PLXDC2: variants seen among roughly 807,000 people sequenced by gnomAD.
PLXDC2 encodes plexin domain containing 2.
Under a neutral mutation model 68.9 loss-of-function variants are expected in PLXDC2, and 40 were observed. The ratio of observed to expected loss-of-function variants is 0.58; its 90% CI spans 0.45 to 0.76. The LOEUF (loss-of-function observed/expected upper bound fraction) is 0.76. Among genes scored for constraint, PLXDC2 ranks in the 30% least tolerant of loss-of-function variants. PLXDC2 has a pLI of 0.00. For missense variants in PLXDC2, 644 were observed against 661.9 expected (o/e 0.97, Z 0.30); for synonymous variants, 243 against 234.2 (o/e 1.04, Z -0.34).
intron 13 of PLXDC2, among the ~76,000 whole-genome samples, chr10:20,265,310 A>G (rs967012707): frequency 6.6e-6 from 1 of 152,258 alleles, no homozygotes; most frequent in Admixed American, 6.5e-5. Flanking sequence ...GAATCAGTGC[A>G]GCCATCTGCC....
At chr10:20,205,671 G>C (rs1010321304) in intron 9 of PLXDC2, among the ~76,000 whole-genome samples, 1 of 152,020 alleles carries the variant, frequency 6.6e-6, no homozygotes, top group African/African-American at 2.4e-5. Context: ...TTTGGTACAT[G>C]CATACCATGT....
At chr10:20,065,838 G>A (rs1836199839) in intron 3 of PLXDC2, among the ~76,000 whole-genome samples, 1 of 152,210 alleles carries the variant, frequency 6.6e-6, no homozygotes, top group African/African-American at 2.4e-5. Context: ...GCCATGGGGA[G>A]TGGCTGTAAA....
chr10:20,205,224 G>T (rs1834975416), intron 9 of PLXDC2, among the ~76,000 whole-genome samples: 1 of 152,020 alleles, frequency 6.6e-6, no homozygotes, highest in African/African-American at 2.4e-5. Flanking sequence ...CTCTTAGTAT[G>T]TTCCCTGGGG....
At position 20,217,481 on chromosome 10, in the gene PLXDC2, C is replaced by A. The variant is rs747802124; in HGVS notation, c.1178C>A (p.Thr393Asn). 3 of 1,612,820 alleles carry A rather than the reference C, an allele frequency of 1.9e-6. No homozygotes were observed. The highest frequency in any genetic ancestry group is 2.5e-6 in the Non-Finnish European group (3 of 1,179,246). The change falls in exon 11 of 14, where the codon ACC becomes AAC. Residue 393 changes from threonine (T) to asparagine (N), a missense_variant. Coordinates refer to ENST00000377252, the MANE Select transcript of PLXDC2 (RefSeq NM_032812.9). ...TEPVETSSRT[T>N]TTVGATTTQF... ...CCAGTGGAAACTTCTTCTCGAACCA[C>A]CACAACCGTAGGAGCGACAACCACC... is the stretch of plus-strand genomic sequence containing the variant.
chr10:19,872,247 C>T (rs980301309), intron 1 of PLXDC2, among the ~76,000 whole-genome samples: 2 of 152,200 alleles, frequency 1.3e-5, no homozygotes, highest in African/African-American at 4.8e-5. Context: ...AGAAGACAGC[C>T]CAGGCCATTT....
At chr10:19,834,903 T>C (rs1836762758) in intron 1 of PLXDC2, among the ~76,000 whole-genome samples, 1 of 151,524 alleles carries the variant, frequency 6.6e-6, no homozygotes, top group Non-Finnish European at 1.5e-5. Flanking sequence ...AGAGAGAGAG[T>C]GGGTGCATTC....
chr10:20,200,272 A>G (rs1243866693), intron 9 of PLXDC2, among the ~76,000 whole-genome samples: 4 of 152,034 alleles, frequency 2.6e-5, no homozygotes, highest in African/African-American at 9.7e-5. Context: ...AATGGGGAAA[A>G]TAAGTGATTG....
chr10:19,829,369 T>A (rs1316531707), intron 1 of PLXDC2, among the ~76,000 whole-genome samples: 1 of 152,058 alleles, frequency 6.6e-6, no homozygotes, highest in African/African-American at 2.4e-5. Flanking sequence ...GCGTTCCACT[T>A]TTATAAATGG....
chr10:19,885,715 C>G (rs573106075), intron 1 of PLXDC2, among the ~76,000 whole-genome samples: 106 of 152,030 alleles, frequency 7.0e-4, no homozygotes, highest in African/African-American at 2.4e-3. Flanking sequence ...TGATCTATAT[C>G]TCTGTTTTGG....
intron 1 of PLXDC2, among the ~76,000 whole-genome samples, chr10:19,840,871 T>C (rs1056391836): frequency 6.6e-6 from 1 of 152,190 alleles, no homozygotes; most frequent in East Asian, 1.9e-4. Context: ...AGATATATAC[T>C]ATTCATGTCA....
intron 1 of PLXDC2, among the ~76,000 whole-genome samples, chr10:19,983,651 A>G (rs1043631290): frequency 1.3e-5 from 2 of 152,136 alleles, no homozygotes; most frequent in Non-Finnish European, 2.9e-5. Flanking sequence ...TCCCTCCTCT[A>G]TCTGGGTTCT....
intron 1 of PLXDC2, among the ~76,000 whole-genome samples, chr10:19,961,777 A>G (rs2131603121): frequency 1.3e-5 from 2 of 152,300 alleles, no homozygotes; most frequent in South Asian, 4.1e-4. Flanking sequence ...CAGCCTCATC[A>G]GGGTTTGCCT....
At chr10:20,246,308 C>G (rs571206821) in intron 13 of PLXDC2, among the ~76,000 whole-genome samples, 1 of 152,182 alleles carries the variant, frequency 6.6e-6, no homozygotes, top group Non-Finnish European at 1.5e-5. Context: ...CACCTCTGTC[C>G]TCCAGAAGGT....
At chr10:20,128,171 G>A (rs995959073) in intron 4 of PLXDC2, among the ~76,000 whole-genome samples, 1 of 152,140 alleles carries the variant, frequency 6.6e-6, no homozygotes, top group African/African-American at 2.4e-5. Context: ...TCTACCCAAA[G>A]ACCAAGCAGA....
intron 4 of PLXDC2, among the ~76,000 whole-genome samples, chr10:20,130,453 A>T (rs543265788): frequency 4.2e-4 from 64 of 152,182 alleles, no homozygotes; most frequent in African/African-American, 1.5e-3. Flanking sequence ...TGCAAAGAAA[A>T]TTTTATTTCT....
intron 1 of PLXDC2, among the ~76,000 whole-genome samples, chr10:19,913,202 A>AGGTG (rs1833305446): frequency 6.6e-6 from 1 of 151,982 alleles, no homozygotes; most frequent in Admixed American, 6.6e-5. Flanking sequence ...GCCTGGTGGG[A>AGGTG]GGTGATTGGA....
rs534830321 is a variant in PLXDC2 at position 19,856,810 on chromosome 10, C to A, written c.112+39619C>A. Among the ~76,000 whole-genome samples the A allele has an allele frequency of 2.0e-5, 3 of 152,272 alleles. No individual in the cohort carries two copies. The East Asian group carries it at 5.8e-4, about 29-fold the overall frequency. ...TTATTTTCCATTACTTCTTATTTCA[C>A]AAGCGTTCTTAAATATCTTTTTTAA... is the stretch of plus-strand genomic sequence containing the variant. On this transcript the variant is annotated intron_variant, in intron 1 of 13. Transcript: ENST00000377252.
intron 4 of PLXDC2, among the ~76,000 whole-genome samples, chr10:20,080,010 AGTGAAAGGACT>A (rs746621346): frequency 2.6e-5 from 4 of 152,218 alleles, no homozygotes; most frequent in Non-Finnish European, 5.9e-5. Context: ...CACATATGAC[AGTGAAAGGACT>A]GTTCTCCTTA....
At chr10:19,901,349 G>C (rs1042280146) in intron 1 of PLXDC2, among the ~76,000 whole-genome samples, 1 of 151,778 alleles carries the variant, frequency 6.6e-6, no homozygotes, top group Non-Finnish European at 1.5e-5. Context: ...TTATTTTTTG[G>C]TTTTTTGATT....
Sources: gnomAD v4.1 joint callset for allele counts (sites outside exome capture counted in the v4.1 genomes callset) on GRCh38, gnomAD v4.1.1 for gene constraint, MANE v1.5 for transcripts, NCBI Gene and HGNC (gene_info 2026-07-23, HGNC 2026-07-21) for gene names.